Variants in TNIK observed in about 807,000 individuals in gnomAD.
The protein encoded by TNIK is TRAF2 and NCK interacting kinase.
TNIK carries 49 observed loss-of-function variants against 191.3 expected under a neutral mutation model. The observed-to-expected ratio is 0.26, with a 90% CI of 0.20 to 0.32. The LOEUF is 0.32. Among genes scored for constraint, TNIK ranks in the 10% least tolerant of loss-of-function variants. TNIK has a pLI of 1.00. For synonymous variants in TNIK, 594 were observed against 600.9 expected, an observed-to-expected ratio of 0.99 and a Z score of 0.17; for missense variants, 1,155 against 1,702.3, an observed-to-expected ratio of 0.68 and a Z score of 5.66.
In TNIK at chr3:171,089,523, G is replaced by A. The variant is rs138309186; in HGVS notation, c.2722-2017C>T. Among the ~76,000 whole-genome samples the A allele has an allele frequency of 3.6e-3, 542 of 152,248 alleles. 3 individuals are homozygous for A. The highest frequency in any genetic ancestry group is 0.013 in the African/African-American group (529 of 41,534). On this transcript the variant is annotated intron_variant, in intron 23 of 32. Coordinates refer to ENST00000436636, the MANE Select transcript of TNIK (RefSeq NM_015028.4). ...AGCCAAAAACTGATGCAGACACACTGGTTATCAAAGAGAGACTCAGAGAGG... is the reference window on the plus strand; with the variant it reads ...AGCCAAAAACTGATGCAGACACACTAGTTATCAAAGAGAGACTCAGAGAGG...
intron 28 of TNIK, among the ~76,000 whole-genome samples, chr3:171,072,135 T>TA (rs1477892199): frequency 1.3e-5 from 2 of 152,174 alleles, no homozygotes; most frequent in Non-Finnish European, 2.9e-5. Flanking sequence ...AACAATCCTT[T>TA]AAGTGCCTTC....
At chr3:171,341,061 G>T (rs1242869888) in intron 2 of TNIK, among the ~76,000 whole-genome samples, 1 of 152,118 alleles carries the variant, frequency 6.6e-6, no homozygotes, top group East Asian at 1.9e-4. Context: ...ACAAAACCAT[G>T]AGCTTATGGC....
chr3:171,405,543 G>C (rs1721556355), intron 1 of TNIK, among the ~76,000 whole-genome samples: 1 of 146,750 alleles, frequency 6.8e-6, no homozygotes. Flanking sequence ...ATCATACAGA[G>C]GCAACACACC....
intron 2 of TNIK, among the ~76,000 whole-genome samples, chr3:171,368,511 G>A (rs1716050148): frequency 6.6e-6 from 1 of 152,138 alleles, no homozygotes; most frequent in Non-Finnish European, 1.5e-5. Context: ...ACTACATTCT[G>A]TCTAATGGTA....
chr3:171,346,635 A>G (rs531005967), intron 2 of TNIK, among the ~76,000 whole-genome samples: 2 of 152,266 alleles, frequency 1.3e-5, no homozygotes, highest in East Asian at 3.9e-4. Context: ...CGGGGGTATG[A>G]AAGCCCAAAC....
At chr3:171,226,848 T>C (rs1176768523) in intron 3 of TNIK, among the ~76,000 whole-genome samples, 1 of 152,186 alleles carries the variant, frequency 6.6e-6, no homozygotes, top group Non-Finnish European at 1.5e-5. Flanking sequence ...GGTAGGTAAC[T>C]ATCACATAAC....
intron 2 of TNIK, among the ~76,000 whole-genome samples, chr3:171,274,886 T>G (rs1018345261): frequency 6.6e-6 from 1 of 152,132 alleles, no homozygotes; most frequent in Non-Finnish European, 1.5e-5. Context: ...GTGTAGAAAT[T>G]TATGGGCAGG....
chr3:171,177,168 T>A (rs1736066005), intron 8 of TNIK, among the ~76,000 whole-genome samples, 158 bp downstream of exon 8: 1 of 152,104 alleles, frequency 6.6e-6, no homozygotes, highest in African/African-American at 2.4e-5. Context: ...AATGGATTCC[T>A]GGTTGATTTA....
At chr3:171,273,360 G>A (rs1264493360) in intron 2 of TNIK, among the ~76,000 whole-genome samples, 1 of 152,174 alleles carries the variant, frequency 6.6e-6, no homozygotes, top group African/African-American at 2.4e-5. Flanking sequence ...TGGGGTGCAA[G>A]GCAAAGTCTT....
rs1358278896 is a variant in TNIK, at chr3:171,101,460, T to C, written c.2580A>G (p.Ile860Met). 6.2e-7 allele frequency: 1 copy of C among 1,611,166 alleles called. No individual in the cohort carries two copies. Among genetic ancestry groups the C allele is most frequent in the South Asian group, 1.1e-5 (1 of 90,656 alleles). ...THDGTVAVSD[I>M]PRLIPTGAPG... The stretch of plus-strand genomic sequence containing the variant: ...AGTAGTTCTCTTACATCAGTCTGGG[T>C]ATGTCGCTGACAGCCACTGTCCCAT... The change falls in exon 22 of 33, where the codon ATA (isoleucine) becomes ATG (methionine). Residue 860 changes from isoleucine to methionine, a missense_variant. By Grantham distance (10) the Ile-to-Met change is conservative (BLOSUM62 1). Coordinates refer to ENST00000436636, the MANE Select transcript of TNIK (RefSeq NM_015028.4).
intron 1 of TNIK, among the ~76,000 whole-genome samples, chr3:171,417,950 C>T (rs1577861525): frequency 6.6e-6 from 1 of 152,178 alleles, no homozygotes; most frequent in South Asian, 2.1e-4. Context: ...CGAAGAACTG[C>T]TCCCTCTCTG....
At chr3:171,331,061 C>T (rs746726341) in intron 2 of TNIK, among the ~76,000 whole-genome samples, 12 of 152,230 alleles carry the variant, frequency 7.9e-5, no homozygotes, top group East Asian at 1.9e-4. Context: ...GAAATCCTCA[C>T]ATGAAAACAA....
In TNIK at chr3:171,087,522, A is replaced by G; in HGVS notation, c.2722-16T>C. 1 of 1,611,934 alleles carries G rather than the reference A, an allele frequency of 6.2e-7. No homozygotes were observed. Among genetic ancestry groups the G allele is most frequent in the Non-Finnish European group, 8.5e-7 (1 of 1,178,562 alleles). ...CTCCAGACGTCTGAGGGAGCACAGC[A>G]CGTGGGAGGAGTTAGAGAGGGGGGA... On this transcript the variant is annotated splice_polypyrimidine_tract_variant and intron_variant, in intron 23 of 32. Coordinates refer to ENST00000436636, the MANE Select transcript of TNIK (RefSeq NM_015028.4).
chr3:171,181,844 AC>A (rs1173591730), intron 7 of TNIK, among the ~76,000 whole-genome samples: 2 of 152,360 alleles, frequency 1.3e-5, no homozygotes, highest in African/African-American at 4.8e-5. Flanking sequence ...GTAAGTACAG[AC>A]AAAAGCATTC....
At chr3:171,297,772 TAATA>T (rs1752468660) in intron 2 of TNIK, among the ~76,000 whole-genome samples, 1 of 152,230 alleles carries the variant, frequency 6.6e-6, no homozygotes, top group Non-Finnish European at 1.5e-5. Context: ...GTTAAAAATT[TAATA>T]ATTATATCAA....
At chr3:171,285,470 CT>C (rs1750910882) in intron 2 of TNIK, among the ~76,000 whole-genome samples, 1 of 152,158 alleles carries the variant, frequency 6.6e-6, no homozygotes. Flanking sequence ...CGAAGTAGAG[CT>C]GGATCCTAAT....
chr3:171,270,283 G>A (rs1043556959), intron 2 of TNIK, among the ~76,000 whole-genome samples: 4 of 152,102 alleles, frequency 2.6e-5, no homozygotes, highest in African/African-American at 9.7e-5. Context: ...AATACTGTTT[G>A]GTTACTAAGT....
chr3:171,077,345 G>T (rs1024604048), intron 28 of TNIK, among the ~76,000 whole-genome samples: 1 of 152,138 alleles, frequency 6.6e-6, no homozygotes, highest in Non-Finnish European at 1.5e-5. Flanking sequence ...ACTAGGTTTA[G>T]TTATTTATTT....
rs371100742 is a variant in TNIK, at chr3:171,457,878, C to T, written c.57+2129G>A. The stretch of plus-strand genomic sequence containing the variant: ...AGTGAATTGTGCAAAGATATATTTT[C>T]AAAATACAGATCACAAGAAAGCACA... On this transcript the variant is annotated intron_variant, in intron 1 of 32. Transcript: ENST00000436636. Among the ~76,000 whole-genome samples the T allele has an allele frequency of 6.6e-5, 10 of 152,320 alleles. No homozygotes were observed. The East Asian group carries it at 1.2e-3, about 18-fold the overall frequency.
Sources: allele counts gnomAD v4.1 joint callset (sites outside exome capture counted in the v4.1 genomes callset), GRCh38; gene constraint gnomAD v4.1.1; transcripts MANE v1.5; gene names NCBI Gene and HGNC (gene_info 2026-07-23, HGNC 2026-07-21).